Variants in UBR3 observed in about 807,000 individuals in gnomAD.
UBR3 encodes ubiquitin protein ligase E3 component n-recognin 3.
A neutral mutation model predicts 243.2 loss-of-function variants in UBR3; 85 were observed. The ratio of observed to expected loss-of-function variants is 0.35; its 90% confidence interval spans 0.29 to 0.42. The LOEUF (loss-of-function observed/expected upper bound fraction) is 0.42, where lower values mean the gene tolerates loss of function less well. Among genes scored for constraint, UBR3 ranks in the 10% least tolerant of loss-of-function variants. The pLI is 1.00. For synonymous variants in UBR3, 748 were observed against 799.8 expected (o/e 0.94, Z 1.09); for missense variants, 1,686 against 2,300.8 (o/e 0.73, Z 5.47).
At chr2:169,938,857 C>G (rs1429876089) in intron 19 of UBR3, among the ~76,000 whole-genome samples, 1 of 151,954 alleles carries the variant, frequency 6.6e-6, no homozygotes, top group Non-Finnish European at 1.5e-5. Flanking sequence ...AGGTAGTGGT[C>G]CAACTTAATT....
intron 29 of UBR3, chr2:170,014,085 T>C (rs10497357): frequency 0.46 from 143,085 of 309,964 alleles, 34,995 homozygotes; most frequent in Non-Finnish European, 0.54. Context: ...AGCTGGAACG[T>C]TATCGGTGTT....
chr2:169,957,310 T>G (rs1486495093), intron 23 of UBR3, among the ~76,000 whole-genome samples: 8 of 152,020 alleles, frequency 5.3e-5, no homozygotes, highest in Non-Finnish European at 2.9e-5. Context: ...TAAAATATTC[T>G]TTGGATGTCC....
chr2:170,064,532 G>A (rs957731166), intron 35 of UBR3, among the ~76,000 whole-genome samples: 2 of 151,770 alleles, frequency 1.3e-5, no homozygotes, highest in Non-Finnish European at 2.9e-5. Context: ...AGTTTATTTT[G>A]TGGTGTGGTA....
chr2:169,861,436 C>T (rs1282081492), intron 1 of UBR3, among the ~76,000 whole-genome samples: 4 of 152,040 alleles, frequency 2.6e-5, no homozygotes, highest in South Asian at 2.1e-4. Flanking sequence ...GGTGAAACCC[C>T]GTCTCTACTA....
intron 1 of UBR3, among the ~76,000 whole-genome samples, chr2:169,841,894 A>G (rs2082305907): frequency 6.6e-6 from 1 of 152,190 alleles, no homozygotes. Flanking sequence ...AGTCCCGTCG[A>G]CCACCCAAGG....
chr2:169,933,369 G>C lies in UBR3; in HGVS notation c.2663+361G>C, dbSNP rs1013885324. Among the ~76,000 whole-genome samples the C allele has an allele frequency of 3.3e-5, 5 of 152,298 alleles. 1 individual carries two copies. Among genetic ancestry groups the C allele is most frequent in the Middle Eastern group, 6.8e-3 (2 of 294 alleles). ...TCTCTGACATCAGAGATGGTGACGG[G>C]TGTCTGTAATAAGTGAACATATTTC... On this transcript the variant is annotated intron_variant, in intron 19 of 38. Coordinates refer to ENST00000272793, the MANE Select transcript of UBR3 (RefSeq NM_172070.4).
intron 1 of UBR3, among the ~76,000 whole-genome samples, chr2:169,839,730 A>C (rs887471341): frequency 6.6e-6 from 1 of 152,164 alleles, no homozygotes; most frequent in Non-Finnish European, 1.5e-5. Flanking sequence ...TTATGAAGGG[A>C]GGAACAGGCA....
intron 27 of UBR3, among the ~76,000 whole-genome samples, chr2:170,002,516 T>G (rs1479229512): frequency 6.6e-6 from 1 of 152,214 alleles, no homozygotes; most frequent in Admixed American, 6.5e-5. Context: ...GATTCCTATC[T>G]TGCTTTTCTG....
At chr2:169,876,040 G>A in intron 3 of UBR3, 91 bp downstream of exon 3, 3 of 978,166 alleles carry the variant, frequency 3.1e-6, no homozygotes, top group Non-Finnish European at 4.1e-6. Context: ...GTAAATTGTA[G>A]AATTTTCATA....
At chr2:169,913,863 C>T (rs1269328100) in intron 10 of UBR3, among the ~76,000 whole-genome samples, 197 bp from the exon 11 acceptor site, 2 of 151,930 alleles carry the variant, frequency 1.3e-5, no homozygotes, top group South Asian at 2.1e-4. Context: ...AAAAAGGAAG[C>T]GTATTGACTT....
chr2:169,978,029 G>A (rs2088540426), intron 24 of UBR3, among the ~76,000 whole-genome samples: 1 of 152,026 alleles, frequency 6.6e-6, no homozygotes, highest in Non-Finnish European at 1.5e-5. Flanking sequence ...TTTCTGGGTG[G>A]GTATAGTGGT....
chr2:169,977,198 A>AT (rs1406293022), intron 24 of UBR3, among the ~76,000 whole-genome samples: 2 of 151,640 alleles, frequency 1.3e-5, no homozygotes, highest in Admixed American at 6.6e-5. Context: ...CGTCTTTTGA[A>AT]TTTTTTTTCC....
chr2:169,924,216 G>A (rs1216085562), intron 13 of UBR3, 43 bp downstream of exon 13: 4 of 1,386,644 alleles, frequency 2.9e-6, no homozygotes, highest in Non-Finnish European at 3.9e-6. Flanking sequence ...TGGATTCCTT[G>A]TTTAAGTGAT....
At chr2:169,850,420 C>A (rs1250724667) in intron 1 of UBR3, among the ~76,000 whole-genome samples, 1 of 152,156 alleles carries the variant, frequency 6.6e-6, no homozygotes, top group East Asian at 1.9e-4. Flanking sequence ...GTCAAGGGAT[C>A]CTCCCGTCTC....
intron 28 of UBR3, 46 bp downstream of exon 28, chr2:170,007,236 G>C (rs570748747): frequency 6.5e-7 from 1 of 1,527,850 alleles, no homozygotes; most frequent in East Asian, 2.5e-5. Flanking sequence ...ACTCAGCTCT[G>C]ATTTTCTGCT....
intron 1 of UBR3, among the ~76,000 whole-genome samples, chr2:169,837,671 C>T (rs531393869): frequency 2.6e-5 from 4 of 152,248 alleles, no homozygotes; most frequent in African/African-American, 9.6e-5. Flanking sequence ...CATTACATCT[C>T]GTGAGAACTC....
intron 30 of UBR3, among the ~76,000 whole-genome samples, chr2:170,017,538 C>G (rs796778481): frequency 1.9e-4 from 5 of 26,516 alleles, no homozygotes; most frequent in Non-Finnish European, 3.1e-4. Flanking sequence ...CACACACACA[C>G]ACACACAGAC....
chr2:170,067,972 G>A (rs548311033), intron 35 of UBR3, among the ~76,000 whole-genome samples: 45 of 151,786 alleles, frequency 3.0e-4, no homozygotes, highest in Non-Finnish European at 4.9e-4. Context: ...GTTTCATCAC[G>A]TTGGGCAGGA....
chr2:170,060,641 TG>T (rs1475954419), intron 33 of UBR3, among the ~76,000 whole-genome samples: 1 of 152,154 alleles, frequency 6.6e-6, no homozygotes, highest in Admixed American at 6.5e-5. Flanking sequence ...GCTTAGAAAA[TG>T]TTTTTTAAGT....
Sources: allele counts gnomAD v4.1 joint callset (sites outside exome capture counted in the v4.1 genomes callset), GRCh38; gene constraint gnomAD v4.1.1; transcripts MANE v1.5; gene names NCBI Gene and HGNC (gene_info 2026-07-23, HGNC 2026-07-21).